ZNF782: variants seen among roughly 807,000 people sequenced by gnomAD.
ZNF782 encodes the protein zinc finger protein 782.
A neutral mutation model predicts 13.0 loss-of-function variants in ZNF782; 12 were observed. The observed-to-expected ratio is 0.92, with a 90% CI of 0.59 to 1.50. The LOEUF is 1.50. Ranked by LOEUF, ZNF782 falls within the 40% of genes most tolerant of loss-of-function variation. The pLI, the probability that ZNF782 is intolerant of heterozygous loss-of-function variation, is 0.00. For synonymous variants in ZNF782, 284 were observed against 283.0 expected (o/e 1.00, Z -0.04); for missense variants, 770 against 822.9 (o/e 0.94, Z 0.79).
intron 5 of ZNF782, among the ~76,000 whole-genome samples, chr9:96,821,818 C>T (rs1487977939): frequency 6.6e-6 from 1 of 152,016 alleles, no homozygotes; most frequent in Non-Finnish European, 1.5e-5. Flanking sequence ...GTGCCCACCA[C>T]CATACCCGGC....
chr9:96,892,332 A>T, the ZNF782 span: 4 of 152,344 alleles, frequency 2.6e-5, no homozygotes, highest in Non-Finnish European at 2.9e-5. Flanking sequence ...ACACAATGGA[A>T]CATTACTCCA....
At chr9:96,839,927 T>G (rs1254556562) in intron 4 of ZNF782, among the ~76,000 whole-genome samples, 2 of 152,156 alleles carry the variant, frequency 1.3e-5, no homozygotes, top group Non-Finnish European at 2.9e-5. Context: ...TGATGTACAT[T>G]TGGGTTGTTG....
the ZNF782 span, chr9:96,895,152 G>T: frequency 6.6e-6 from 1 of 152,194 alleles, no homozygotes; most frequent in Admixed American, 6.5e-5. Flanking sequence ...CACTGAATGG[G>T]ATTCTTAAGT....
chr9:96,822,677 T>C (rs1374630712), intron 5 of ZNF782, among the ~76,000 whole-genome samples: 1 of 152,156 alleles, frequency 6.6e-6, no homozygotes, highest in Non-Finnish European at 1.5e-5. Context: ...TTTGAAAACT[T>C]TTTCACTTTT....
the ZNF782 span, among the ~76,000 whole-genome samples, chr9:96,922,896 C>T: frequency 3.3e-5 from 5 of 149,416 alleles, no homozygotes; most frequent in African/African-American, 7.4e-5. Context: ...CCTTAGGAAC[C>T]GGTCCACCAT....
intron 3 of ZNF782, among the ~76,000 whole-genome samples, chr9:96,847,007 A>G (rs1475981841): frequency 6.6e-6 from 1 of 152,222 alleles, no homozygotes; most frequent in African/African-American, 2.4e-5. Flanking sequence ...ATCACAGCAG[A>G]ATAAAACTAG....
intron 4 of ZNF782, among the ~76,000 whole-genome samples, chr9:96,837,777 G>A (rs1200103561): frequency 1.3e-5 from 2 of 152,116 alleles, no homozygotes; most frequent in Non-Finnish European, 2.9e-5. Context: ...TGACCCCTTG[G>A]TAGTTAAAGA....
intron 1 of ZNF782, among the ~76,000 whole-genome samples, chr9:96,871,189 T>G (rs1851821670): frequency 6.6e-6 from 1 of 152,212 alleles, no homozygotes; most frequent in South Asian, 2.1e-4. Flanking sequence ...TTTTTAGCTT[T>G]AACATAGTAT....
chr9:96,885,709 C>CAAA, the ZNF782 span, among the ~76,000 whole-genome samples: 3 of 149,448 alleles, frequency 2.0e-5, no homozygotes, highest in African/African-American at 7.3e-5. Flanking sequence ...TTTCTGGAAA[C>CAAA]AAAAAAAAAC....
At chr9:96,827,697 G>C (rs776913492) in intron 4 of ZNF782, among the ~76,000 whole-genome samples, 12 of 152,186 alleles carry the variant, frequency 7.9e-5, no homozygotes, top group Non-Finnish European at 1.6e-4. Context: ...CAATGTCTTG[G>C]TTATTGAGGA....
chr9:96,911,058 C>A, the ZNF782 span, among the ~76,000 whole-genome samples: 301 of 147,252 alleles, frequency 2.0e-3, no homozygotes, highest in African/African-American at 7.3e-3. Flanking sequence ...ACCAAACCAG[C>A]CTTCGGACCG....
chr9:96,853,300 G>A (rs1208108466), intron 1 of ZNF782, among the ~76,000 whole-genome samples: 1 of 152,156 alleles, frequency 6.6e-6, no homozygotes, highest in Non-Finnish European at 1.5e-5. Flanking sequence ...ATTCTGGGAA[G>A]GAGGATCAAG....
At chr9:96,870,431 C>G (rs1463731135) in intron 1 of ZNF782, among the ~76,000 whole-genome samples, 1 of 152,148 alleles carries the variant, frequency 6.6e-6, no homozygotes, top group Non-Finnish European at 1.5e-5. Flanking sequence ...AAAATATCAC[C>G]TTTCCTGCTG....
At chr9:96,933,064 A>C in the ZNF782 span, among the ~76,000 whole-genome samples, 5 of 132,708 alleles carry the variant, frequency 3.8e-5, 1 homozygote, top group Middle Eastern at 9.5e-3. Flanking sequence ...TGCAAGCTCT[A>C]CCTCCCAGGT....
In ZNF782 at chr9:96,818,090, G is replaced by A. The variant is rs551373170; in HGVS notation, c.1933C>T (p.Pro645Ser). ...TCCCCACACTGATTACAATTATATG[G>A]TTTCTCCCCGGTGTGAGTTCGCTGA... is the stretch of plus-strand genomic sequence containing the variant. The part of the protein sequence containing the change: ...KHQRTHTGEK[P>S]YNCNQCGEAF... Residue 645 changes from proline (P) to serine (S), a missense_variant, in exon 6 of 6, where the codon CCA becomes TCA. Pro to Ser is a moderately conservative substitution (Grantham distance 74). Coordinates refer to ENST00000481138, the MANE Select transcript of ZNF782 (RefSeq NM_001001662.3). The A allele has an allele frequency of 1.1e-5, 18 of 1,613,622 alleles. No individual in the cohort carries two copies. The highest frequency in any genetic ancestry group is 1.5e-5 in the Non-Finnish European group (18 of 1,179,938).
At chr9:96,882,044 A>G in the ZNF782 span, among the ~76,000 whole-genome samples, 2 of 151,836 alleles carry the variant, frequency 1.3e-5, no homozygotes, top group African/African-American at 4.8e-5. Flanking sequence ...ACATATAATC[A>G]GAAATCTAAA....
chr9:96,869,706 C>T lies in ZNF782; in HGVS notation c.-457+5762G>A, dbSNP rs559295427. ...GATGAACATTTAAAATAGGCATTTT[C>T]GGTAGTAGCTGGGAAGTATTTTGAA... is the stretch of plus-strand genomic sequence containing the variant. On this transcript the variant is annotated intron_variant, in intron 1 of 5. Coordinates refer to the ZNF782 transcript ENST00000498811. 3.9e-4 allele frequency among the ~76,000 whole-genome samples: 60 copies of T among 152,290 alleles called. No homozygotes were observed. In the South Asian group the frequency reaches 6.6e-3, roughly 17 times the overall value.
the ZNF782 span, among the ~76,000 whole-genome samples, chr9:96,918,337 G>A: frequency 2.7e-5 from 4 of 147,996 alleles, no homozygotes; most frequent in African/African-American, 7.5e-5. Flanking sequence ...TTCAACTCCG[G>A]AGGCGGAGGT....
chr9:96,911,533 T>TTTTTTA, the ZNF782 span, among the ~76,000 whole-genome samples: 1 of 148,276 alleles, frequency 6.7e-6, no homozygotes, highest in East Asian at 2.1e-4. Context: ...TTTGTTTTTT[T>TTTTTTA]TTTTTGAGAG....
Sources: allele counts gnomAD v4.1 joint callset (sites outside exome capture counted in the v4.1 genomes callset), GRCh38; gene constraint gnomAD v4.1.1; transcripts MANE v1.5; gene names NCBI Gene and HGNC (gene_info 2026-07-23, HGNC 2026-07-21).